REEP3: variants seen among roughly 807,000 people sequenced by gnomAD.
REEP3 encodes receptor expression-enhancing protein 3.
A neutral mutation model predicts 41.3 loss-of-function variants in REEP3; 20 were observed. That is an observed-to-expected ratio of 0.48 (90% CI 0.34 to 0.70). The LOEUF (loss-of-function observed/expected upper bound fraction) is 0.70. Ranked by LOEUF, REEP3 falls within the 30% of genes least tolerant of loss-of-function variation. The pLI is 0.01. For missense variants in REEP3, 271 were observed against 308.8 expected, an observed-to-expected ratio of 0.88 and a Z score of 0.92; for synonymous variants, 104 against 101.8, an observed-to-expected ratio of 1.02 and a Z score of -0.13.
At chr10:63,589,384 A>T (rs891986762) in intron 2 of REEP3, among the ~76,000 whole-genome samples, 1 of 152,176 alleles carries the variant, frequency 6.6e-6, no homozygotes, top group Non-Finnish European at 1.5e-5. Context: ...CTTATGGCCC[A>T]GGAGACTGGT....
chr10:63,567,449 G>T (rs1198397124), intron 2 of REEP3, among the ~76,000 whole-genome samples: 1 of 152,006 alleles, frequency 6.6e-6, no homozygotes, highest in African/African-American at 2.4e-5. Context: ...TTTGTGTCTG[G>T]CTCCTTTCAC....
intron 1 of REEP3, among the ~76,000 whole-genome samples, chr10:63,552,708 G>A (rs993791643): frequency 3.3e-5 from 5 of 152,146 alleles, no homozygotes; most frequent in African/African-American, 1.2e-4. Flanking sequence ...GTAAAGTTAG[G>A]ATTGGTGGAG....
chr10:63,534,846 A>G (rs535834047), intron 1 of REEP3, among the ~76,000 whole-genome samples: 1 of 152,350 alleles, frequency 6.6e-6, no homozygotes, highest in South Asian at 2.1e-4. Flanking sequence ...ATAACCCTAC[A>G]AGTGACACTG....
chr10:63,617,665 G>A (rs1050033364), intron 6 of REEP3, among the ~76,000 whole-genome samples: 3 of 145,096 alleles, frequency 2.1e-5, no homozygotes, highest in African/African-American at 7.6e-5. Context: ...CTCCCAAAGT[G>A]CTGGCATTAC....
At position 63,551,226 on chromosome 10, in the gene REEP3, G is replaced by A. The variant is rs74232959; in HGVS notation, c.33-15112G>A. On this transcript the variant is annotated intron_variant, in intron 1 of 7. Coordinates refer to ENST00000373758, the MANE Select transcript of REEP3 (RefSeq NM_001001330.3). ...CAAACAAAAACAATGTAGGTATGTCGTAGGGACACAGGACATTGAGAAAGA... is the reference window on the plus strand; with the variant it reads ...CAAACAAAAACAATGTAGGTATGTCATAGGGACACAGGACATTGAGAAAGA... Among the ~76,000 whole-genome samples, 160 of 152,306 alleles carry A rather than the reference G, an allele frequency of 1.1e-3. 2 individuals are homozygous for A. The East Asian group carries it at 0.026, about 25-fold the overall frequency.
intron 2 of REEP3, among the ~76,000 whole-genome samples, chr10:63,586,363 T>C (rs1956006653): frequency 6.6e-6 from 1 of 152,228 alleles, no homozygotes; most frequent in African/African-American, 2.4e-5. Flanking sequence ...TATGACTTTA[T>C]ATCGCAGATG....
intron 1 of REEP3, among the ~76,000 whole-genome samples, chr10:63,535,031 C>T (rs1032076571): frequency 6.6e-6 from 1 of 151,934 alleles, no homozygotes; most frequent in Non-Finnish European, 1.5e-5. Context: ...TTTCTTTTTC[C>T]TTCATTCTCA....
intron 2 of REEP3, among the ~76,000 whole-genome samples, chr10:63,570,646 G>A (rs1955844168): frequency 6.6e-6 from 1 of 152,178 alleles, no homozygotes; most frequent in Non-Finnish European, 1.5e-5. Context: ...GTAAAAGGCA[G>A]GTGGCTGGAG....
At chr10:63,578,011 C>T (rs1459656451) in intron 2 of REEP3, among the ~76,000 whole-genome samples, 1 of 152,090 alleles carries the variant, frequency 6.6e-6, no homozygotes, top group African/African-American at 2.4e-5. Context: ...TTCAGTTTAC[C>T]ATCTTTACCC....
intron 1 of REEP3, among the ~76,000 whole-genome samples, chr10:63,533,861 C>T (rs551729336): frequency 6.6e-6 from 1 of 151,926 alleles, no homozygotes; most frequent in East Asian, 1.9e-4. Context: ...GCGCCCACCA[C>T]CATGCCAGCT....
At chr10:63,533,997 C>G (rs1024804337) in intron 1 of REEP3, among the ~76,000 whole-genome samples, 1 of 151,728 alleles carries the variant, frequency 6.6e-6, no homozygotes, top group African/African-American at 2.4e-5. Context: ...CATGACCCAC[C>G]GCGCTTGCCC....
chr10:63,559,922 A>C (rs188093812), intron 1 of REEP3, among the ~76,000 whole-genome samples: 1 of 152,300 alleles, frequency 6.6e-6, no homozygotes, highest in African/African-American at 2.4e-5. Context: ...TAATATTTTT[A>C]AAGAATATTT....
In REEP3 at chr10:63,521,560, G is replaced by C. The variant is rs1411650257; in HGVS notation, c.15G>C (p.Met5Ile). 1 of 1,428,918 alleles carries C rather than the reference G, an allele frequency of 7.0e-7. No individual in the cohort carries two copies. Among genetic ancestry groups the C allele is most frequent in the Non-Finnish European group, 9.3e-7 (1 of 1,079,276 alleles). 88.5% of individuals were successfully genotyped at this position (1,428,918 alleles called of 1,614,324 possible). Residue 5 changes from methionine to isoleucine, a missense_variant, in exon 1 of 8, where the codon ATG becomes ATC. Coordinates refer to ENST00000373758, the MANE Select transcript of REEP3 (RefSeq NM_001001330.3). Reference protein sequence around the residue: MVSWMISRAVVLVFG... With the variant: MVSWIISRAVVLVFG... ...CCCCCGTGAAGATGGTGTCCTGGAT[G>C]ATCTCCAGAGCCGTGGTGTAAGTGC...
intron 3 of REEP3, among the ~76,000 whole-genome samples, chr10:63,597,242 G>A (rs1956123571): frequency 1.3e-5 from 2 of 152,198 alleles, no homozygotes; most frequent in South Asian, 4.1e-4. Flanking sequence ...CTGGCCAAAT[G>A]AAATTGGAAG....
At chr10:63,602,248 G>C (rs752932111) in intron 5 of REEP3, among the ~76,000 whole-genome samples, 2 of 152,180 alleles carry the variant, frequency 1.3e-5, no homozygotes, top group African/African-American at 2.4e-5. Flanking sequence ...GCCATATTGA[G>C]AGTATGGGGG....
rs116756178 is a variant in REEP3 at position 63,604,712 on chromosome 10, A to G, written c.417+5429A>G. On this transcript the variant is annotated intron_variant, in intron 5 of 7. Transcript: ENST00000373758. Reference sequence around the variant, plus strand: ...AAAAGAAGGTTGTACTATTTTTCCTAAAATCTAGGGAAGCAGAATGGTATA... The same window carrying G: ...AAAAGAAGGTTGTACTATTTTTCCTGAAATCTAGGGAAGCAGAATGGTATA... Among the ~76,000 whole-genome samples, 604 of 152,270 alleles carry G rather than the reference A, an allele frequency of 4.0e-3. 5 individuals are homozygous for G. The highest frequency in any genetic ancestry group is 0.014 in the African/African-American group (587 of 41,540).
At chr10:63,553,707 C>T (rs1350558802) in intron 1 of REEP3, among the ~76,000 whole-genome samples, 1 of 152,102 alleles carries the variant, frequency 6.6e-6, no homozygotes, top group Non-Finnish European at 1.5e-5. Flanking sequence ...TACTCATCCT[C>T]CTTTAATTTG....
chr10:63,588,109 C>T (rs1589877787), intron 2 of REEP3, among the ~76,000 whole-genome samples: 1 of 152,320 alleles, frequency 6.6e-6, no homozygotes, highest in South Asian at 2.1e-4. Flanking sequence ...CCTTCCCACT[C>T]ATGTCCAGCC....
At chr10:63,568,301 C>G (rs1179086379) in intron 2 of REEP3, among the ~76,000 whole-genome samples, 1 of 148,234 alleles carries the variant, frequency 6.7e-6, no homozygotes, top group African/African-American at 2.5e-5. Flanking sequence ...GAGTCTTGCT[C>G]TGTCACCCAG....
Sources: allele counts gnomAD v4.1 joint callset (sites outside exome capture counted in the v4.1 genomes callset), GRCh38; gene constraint gnomAD v4.1.1; transcripts MANE v1.5; gene names NCBI Gene and HGNC (gene_info 2026-07-23, HGNC 2026-07-21).